The following KCNIP1 variants were observed in gnomAD, a reference collection of about 807,000 sequenced individuals.
KCNIP1 encodes A-type potassium channel modulatory protein KCNIP1.
In KCNIP1, 18 loss-of-function variants were observed where a neutral mutation model predicts 33.0. The ratio of observed to expected loss-of-function variants is 0.55; its 90% CI spans 0.38 to 0.81. KCNIP1 has a LOEUF of 0.81. Among genes scored for constraint, KCNIP1 ranks in the 30% least tolerant of loss-of-function variants. The pLI is 0.00. For missense variants in KCNIP1, 238 were observed against 271.6 expected (o/e 0.88, Z 0.87); for synonymous variants, 93 against 98.3 (o/e 0.95, Z 0.32).
intron 1 of KCNIP1, among the ~76,000 whole-genome samples, chr5:170,630,623 G>A (rs1281208528): frequency 6.6e-6 from 1 of 152,184 alleles, no homozygotes; most frequent in East Asian, 1.9e-4. Context: ...GAAAGAGAAA[G>A]GGTACTCTAG....
chr5:170,612,407 G>A (rs1230486812), intron 1 of KCNIP1, among the ~76,000 whole-genome samples: 4 of 152,248 alleles, frequency 2.6e-5, no homozygotes, highest in African/African-American at 9.6e-5. Context: ...ACCAGTAAGA[G>A]GCACTTGCTC....
intron 1 of KCNIP1, among the ~76,000 whole-genome samples, chr5:170,555,151 T>C (rs1317316941): frequency 6.6e-6 from 1 of 152,150 alleles, no homozygotes; most frequent in Non-Finnish European, 1.5e-5. Context: ...ACTGCCTGTC[T>C]CAGTTCCCCA....
intron 1 of KCNIP1, among the ~76,000 whole-genome samples, chr5:170,700,311 C>T (rs1369161546): frequency 6.6e-6 from 1 of 152,158 alleles, no homozygotes; most frequent in Non-Finnish European, 1.5e-5. Context: ...GTAACCCATA[C>T]CTTTCCTCCA....
chr5:170,503,929 TCCCCC>T, upstream of KCNIP1: 1 of 499,116 alleles, frequency 2.0e-6, no homozygotes, highest in Non-Finnish European at 2.6e-6. Context: ...GGGCTGGGCG[TCCCCC>T]GCCCCCACCG....
chr5:170,453,043 C>T (rs1419308811), intron 1 of KCNIP1, among the ~76,000 whole-genome samples: 1 of 152,210 alleles, frequency 6.6e-6, no homozygotes, highest in African/African-American at 2.4e-5. Flanking sequence ...AATGTGCTAG[C>T]ACTTTGGCAG....
Position 170,685,543 on chromosome 5 carries a change from C to G in KCNIP1, c.62-33215C>G, listed in dbSNP as rs144212009. On this transcript the variant is annotated intron_variant, in intron 1 of 7. Coordinates refer to ENST00000328939, the MANE Select transcript of KCNIP1 (RefSeq NM_014592.4). ...TCACTCTGTCGCCCAGGCTGAAGTACAGTGGCACGATCTCAGCTCACTGAA... is the reference window on the plus strand; with the variant it reads ...TCACTCTGTCGCCCAGGCTGAAGTAGAGTGGCACGATCTCAGCTCACTGAA... 6.7e-3 allele frequency among the ~76,000 whole-genome samples: 1,020 copies of G among 151,996 alleles called. 3 individuals are homozygous for G. The highest frequency in any genetic ancestry group is 0.011 in the Non-Finnish European group (768 of 67,988).
chr5:170,494,203 AGAGCAGCCCT>A (rs1757265844), intron 1 of KCNIP1, among the ~76,000 whole-genome samples: 1 of 152,184 alleles, frequency 6.6e-6, no homozygotes, highest in South Asian at 2.1e-4. Flanking sequence ...TCCTCCATCC[AGAGCAGCCCT>A]GAGCTGTGGG....
upstream of KCNIP1, among the ~76,000 whole-genome samples, chr5:170,500,235 C>A (rs1052141556): frequency 6.6e-6 from 1 of 152,146 alleles, no homozygotes; most frequent in African/African-American, 2.4e-5. Context: ...CCTCTTTTAA[C>A]CTTCATTAGT....
intron 1 of KCNIP1, among the ~76,000 whole-genome samples, chr5:170,464,592 T>A (rs1299005816): frequency 6.6e-6 from 1 of 152,228 alleles, no homozygotes; most frequent in Admixed American, 6.5e-5. Flanking sequence ...ACTGTCTCAG[T>A]ATTTCAGATG....
At chr5:170,721,520 C>A (rs534943305) in intron 3 of KCNIP1, among the ~76,000 whole-genome samples, 15 of 152,222 alleles carry the variant, frequency 9.9e-5, no homozygotes, top group African/African-American at 3.6e-4. Flanking sequence ...GCATTCATGG[C>A]CGTTCAGAAG....
chr5:170,615,036 G>A (rs1003891694), intron 1 of KCNIP1, among the ~76,000 whole-genome samples: 9 of 152,128 alleles, frequency 5.9e-5, no homozygotes, highest in South Asian at 2.1e-4. Context: ...GCCAAATGGC[G>A]AAACCCCATC....
rs1757163782 is a variant in KCNIP1, at chr5:170,489,580, C to T, written c.88+135616C>T. Among the ~76,000 whole-genome samples the T allele has an allele frequency of 2.0e-5, 3 of 152,240 alleles. No individual in the cohort carries two copies. Among genetic ancestry groups the T allele is most frequent in the Non-Finnish European group, 4.4e-5 (3 of 68,052 alleles). ...ACACCTTCAGACAGTTCTGAGCAGACCACGCAAAATACAACTGTGATGTTA... is the reference window on the plus strand; with the variant it reads ...ACACCTTCAGACAGTTCTGAGCAGATCACGCAAAATACAACTGTGATGTTA... On this transcript the variant is annotated intron_variant, in intron 1 of 7. Transcript: ENST00000377360. This position sits in a 1 kb window ranked among gnomAD's most constrained non-coding sequence, Gnocchi z 4.3.
intron 1 of KCNIP1, among the ~76,000 whole-genome samples, chr5:170,587,895 C>G (rs1758059078): frequency 6.6e-6 from 1 of 152,256 alleles, no homozygotes; most frequent in Non-Finnish European, 1.5e-5. Context: ...GGGGAACCCA[C>G]TACAGGCAGG....
intron 1 of KCNIP1, among the ~76,000 whole-genome samples, chr5:170,506,292 G>A (rs975118246): frequency 2.0e-5 from 3 of 152,110 alleles, no homozygotes; most frequent in African/African-American, 4.8e-5. Flanking sequence ...ACCTCCCTAA[G>A]CCTCAGTTTT....
intron 5 of KCNIP1, among the ~76,000 whole-genome samples, chr5:170,731,200 A>G (rs1420239674): frequency 6.6e-6 from 1 of 152,218 alleles, no homozygotes; most frequent in Non-Finnish European, 1.5e-5. Context: ...GGTTAACATT[A>G]TCAGTAATAA....
At chr5:170,385,877 T>A (rs1413359988) in intron 1 of KCNIP1, among the ~76,000 whole-genome samples, 1 of 151,970 alleles carries the variant, frequency 6.6e-6, no homozygotes, top group Non-Finnish European at 1.5e-5. Context: ...CCCAGCACTT[T>A]CGGAGACCGA....
At chr5:170,664,593 G>A (rs2113755938) in intron 1 of KCNIP1, among the ~76,000 whole-genome samples, 1 of 152,222 alleles carries the variant, frequency 6.6e-6, no homozygotes, top group African/African-American at 2.4e-5. Context: ...TTACAGGCAT[G>A]AGCCACCACT....
intron 1 of KCNIP1, among the ~76,000 whole-genome samples, chr5:170,596,102 T>C (rs1758431623): frequency 6.6e-6 from 1 of 152,200 alleles, no homozygotes; most frequent in Admixed American, 6.5e-5. Flanking sequence ...TAACGGGGCT[T>C]CGAAAGCAGC....
chr5:170,638,841 C>T (rs939542789), intron 1 of KCNIP1, among the ~76,000 whole-genome samples: 1 of 152,216 alleles, frequency 6.6e-6, no homozygotes, highest in African/African-American at 2.4e-5. Context: ...TCCGGGCTTC[C>T]TGCATCCCTG....
Sources: allele counts gnomAD v4.1 joint callset (sites outside exome capture counted in the v4.1 genomes callset), GRCh38; gene constraint gnomAD v4.1.1; non-coding constraint Gnocchi (gnomAD v3.1); transcripts MANE v1.5; gene names NCBI Gene and HGNC (gene_info 2026-07-23, HGNC 2026-07-21).